Variants in LRRC4C observed in about 807,000 individuals in gnomAD.
The protein encoded by LRRC4C is leucine-rich repeat-containing protein 4C.
A neutral mutation model predicts 33.6 loss-of-function variants in LRRC4C; 5 were observed. The ratio of observed to expected loss-of-function variants is 0.15; its 90% CI spans 0.08 to 0.31. The LOEUF is 0.31. Ranked by LOEUF, LRRC4C falls within the 10% of genes least tolerant of loss-of-function variation. The pLI is 1.00. For synonymous variants in LRRC4C, 329 were observed against 302.0 expected (o/e 1.09, Z -0.93); for missense variants, 560 against 796.7 (o/e 0.70, Z 3.58).
chr11:40,762,857 T>G (rs920559169), intron 2 of LRRC4C, among the ~76,000 whole-genome samples: 5 of 151,944 alleles, frequency 3.3e-5, no homozygotes, highest in Admixed American at 3.3e-4. Flanking sequence ...CTTTCGAGAT[T>G]TACTACTGAT....
chr11:40,192,173 C>T (rs1178153633), intron 5 of LRRC4C, among the ~76,000 whole-genome samples: 3 of 151,946 alleles, frequency 2.0e-5, no homozygotes, highest in East Asian at 3.9e-4. Flanking sequence ...CCTTGATTCC[C>T]GGGCAAGATG....
chr11:40,728,886 A>G (rs2136757902), intron 2 of LRRC4C, among the ~76,000 whole-genome samples: 1 of 152,018 alleles, frequency 6.6e-6, no homozygotes, highest in South Asian at 2.1e-4. Flanking sequence ...TAGAAGGAGA[A>G]AACCAAATAG....
chr11:41,129,703 C>T (rs140110747), intron 1 of LRRC4C, among the ~76,000 whole-genome samples: 9 of 152,050 alleles, frequency 5.9e-5, no homozygotes, highest in Admixed American at 5.2e-4. Flanking sequence ...TAGAATTCCA[C>T]ATTTACTGCT....
chr11:40,984,396 AAAGAAAG>A (rs1852819125), intron 1 of LRRC4C, among the ~76,000 whole-genome samples: 2 of 88,260 alleles, frequency 2.3e-5, no homozygotes, highest in African/African-American at 3.4e-5. Flanking sequence ...AGAAAGAAAG[AAAGAAAG>A]AAAGAAAGAA....
intron 1 of LRRC4C, among the ~76,000 whole-genome samples, chr11:41,007,497 T>C (rs918977108): frequency 3.3e-5 from 5 of 152,214 alleles, no homozygotes; most frequent in Admixed American, 3.3e-4. Flanking sequence ...AATGCACATA[T>C]GTTTGAATGT....
Position 41,153,049 on chromosome 11 carries a change from G to A in LRRC4C, c.-495-219326C>T, listed in dbSNP as rs532009684. The stretch of plus-strand genomic sequence containing the variant: ...CACCAACTCCATCTCATACTCTTAC[G>A]TGAATCACGTCACTTGTAGCTTCCT... On this transcript the variant is annotated intron_variant, in intron 1 of 6. Coordinates refer to ENST00000528697, the MANE Select transcript of LRRC4C (RefSeq NM_001258419.2). Among the ~76,000 whole-genome samples, 8 of 152,040 alleles carry A rather than the reference G, an allele frequency of 5.3e-5. No individual in the cohort carries two copies. In the South Asian group the frequency reaches 6.2e-4, roughly 12 times the overall value.
intron 1 of LRRC4C, among the ~76,000 whole-genome samples, chr11:40,977,698 T>C (rs776739231): frequency 4.6e-5 from 7 of 152,224 alleles, no homozygotes; most frequent in Non-Finnish European, 1.0e-4. Context: ...TTCTGCTTTA[T>C]AGCTTTATTT....
At chr11:41,132,506 A>G (rs188633460) in intron 1 of LRRC4C, among the ~76,000 whole-genome samples, 2 of 152,242 alleles carry the variant, frequency 1.3e-5, no homozygotes, top group Admixed American at 1.3e-4. Context: ...AGTATTTTGT[A>G]TAAGAGAAAA....
chr11:41,219,685 G>GA (rs1170133389), intron 1 of LRRC4C, among the ~76,000 whole-genome samples: 1 of 152,178 alleles, frequency 6.6e-6, no homozygotes, highest in African/African-American at 2.4e-5. Context: ...TTTTAGTTGG[G>GA]AAAATCACCC....
intron 3 of LRRC4C, among the ~76,000 whole-genome samples, chr11:40,424,854 C>T (rs1475317145): frequency 2.0e-5 from 3 of 152,132 alleles, no homozygotes; most frequent in Non-Finnish European, 2.9e-5. Context: ...TTTGGGACTT[C>T]GACGTTTTAA....
intron 4 of LRRC4C, among the ~76,000 whole-genome samples, chr11:40,261,598 G>T (rs569863089): frequency 6.6e-6 from 1 of 152,106 alleles, no homozygotes; most frequent in South Asian, 2.1e-4. Flanking sequence ...ATATGAAAAG[G>T]GTACAGTACA....
chr11:40,397,329 G>T (rs189376103), intron 3 of LRRC4C, among the ~76,000 whole-genome samples: 11 of 151,888 alleles, frequency 7.2e-5, no homozygotes, highest in Admixed American at 2.0e-4. Context: ...AAAACATATG[G>T]CATGATTTAA....
chr11:41,035,224 A>C (rs969705887), intron 1 of LRRC4C, among the ~76,000 whole-genome samples: 14 of 151,296 alleles, frequency 9.3e-5, no homozygotes, highest in Admixed American at 7.9e-4. Flanking sequence ...TAAATAAATA[A>C]ATATATAAAT....
At chr11:40,300,631 A>G (rs1944727773) in intron 4 of LRRC4C, among the ~76,000 whole-genome samples, 1 of 152,188 alleles carries the variant, frequency 6.6e-6, no homozygotes, top group African/African-American at 2.4e-5. Context: ...TATATAAAAT[A>G]GTACAGTATT....
At chr11:40,655,713 T>C (rs1348002114) in intron 2 of LRRC4C, among the ~76,000 whole-genome samples, 4 of 151,898 alleles carry the variant, frequency 2.6e-5, no homozygotes, top group Admixed American at 2.6e-4. Flanking sequence ...ACGTGAAGAG[T>C]GTGGCTGAAA....
At chr11:40,149,796 AAGG>A (rs895553455) in intron 5 of LRRC4C, among the ~76,000 whole-genome samples, 7 of 152,212 alleles carry the variant, frequency 4.6e-5, no homozygotes, top group Non-Finnish European at 7.4e-5. Flanking sequence ...TTCAATTTTT[AAGG>A]AGAATGTTGT....
chr11:40,138,144 A>G (rs1857112339), intron 6 of LRRC4C, among the ~76,000 whole-genome samples: 1 of 151,160 alleles, frequency 6.6e-6, no homozygotes, highest in Non-Finnish European at 1.5e-5. Flanking sequence ...TCTGCTAGCT[A>G]CGTAAATTTG....
intron 1 of LRRC4C, among the ~76,000 whole-genome samples, chr11:41,093,544 T>G (rs149077165): frequency 2.6e-4 from 39 of 152,256 alleles, no homozygotes; most frequent in African/African-American, 9.4e-4. Context: ...TCTTTATTCT[T>G]TCTTCTAGAT....
chr11:41,142,770 C>A (rs958402734), intron 1 of LRRC4C, among the ~76,000 whole-genome samples: 2 of 152,016 alleles, frequency 1.3e-5, no homozygotes, highest in African/African-American at 4.8e-5. Flanking sequence ...CATTAAAATT[C>A]AATTTAGAGA....
Sources: gnomAD v4.1 joint callset for allele counts (sites outside exome capture counted in the v4.1 genomes callset) on GRCh38, gnomAD v4.1.1 for gene constraint, MANE v1.5 for transcripts, NCBI Gene and HGNC (gene_info 2026-07-23, HGNC 2026-07-21) for gene names.